EVC2: variants seen among roughly 807,000 people sequenced by gnomAD.
EVC2 encodes the protein limbin.
EVC2 carries 148 observed loss-of-function variants against 149.3 expected under a neutral mutation model. That is an observed-to-expected ratio of 0.99 (90% confidence interval 0.87 to 1.14). The LOEUF (loss-of-function observed/expected upper bound fraction) is 1.14, where lower values mean the gene tolerates loss of function less well. EVC2 is among the 50% of genes most tolerant of loss of function. The probability of loss-of-function intolerance (pLI) is 0.00; values close to 1 mark genes in which losing one functional copy is unlikely to be tolerated. For missense variants in EVC2, 1,854 were observed against 1,627.3 expected (o/e 1.14, Z -2.40); for synonymous variants, 776 against 649.9 (o/e 1.19, Z -2.95).
chr4:5,568,785 T>C lies in EVC2; in HGVS notation c.3361-145A>G, dbSNP rs76244489. On this transcript the variant is annotated intron_variant, in intron 19 of 21. Transcript: ENST00000344408. ...GTCTGGAAAACATGTTCCCGAACTT[T>C]CAGAGCTGTCAAAAAAAACCTATTT... is the stretch of plus-strand genomic sequence containing the variant. The C allele has an allele frequency of 3.0e-4, 329 of 1,090,300 alleles. No individual in the cohort carries two copies. In the South Asian group the frequency reaches 4.3e-3, roughly 14 times the overall value. The allele number at this position is 1,090,300 out of a possible 1,614,324, so 67.5% of individuals were successfully genotyped here.
chr4:5,533,325 A>G, the EVC2 span, among the ~76,000 whole-genome samples: 9 of 152,186 alleles, frequency 5.9e-5, 1 homozygote, highest in Admixed American at 5.9e-4. Context: ...GACAGAAAGC[A>G]GCAAGTGCAA....
Position 5,679,692 on chromosome 4 carries a change from T to C in EVC2, c.870+1568A>G, listed in dbSNP as rs1241419763. Among the ~76,000 whole-genome samples the C allele has an allele frequency of 6.6e-6, 1 of 152,214 alleles. No homozygotes were observed. Among genetic ancestry groups the C allele is most frequent in the African/African-American group, 2.4e-5 (1 of 41,444 alleles). The stretch of plus-strand genomic sequence containing the variant: ...TGCAGGTTTGTTACATAGGTATACA[T>C]GTGTCATGGTGGTTTGCTGCACCTA... On this transcript the variant is annotated intron_variant, in intron 7 of 21. Coordinates refer to ENST00000344408, the MANE Select transcript of EVC2 (RefSeq NM_147127.5). This position sits in a 1 kb window ranked among gnomAD's most constrained non-coding sequence, Gnocchi z 5.1.
In EVC2 at chr4:5,640,970, C is replaced by T. The variant is rs142093594; in HGVS notation, c.1146-132G>A. 1.3e-4 allele frequency: 139 copies of T among 1,032,472 alleles called. 1 individual carries two copies. The highest frequency in any genetic ancestry group is 5.0e-4 in the Middle Eastern group (2 of 3,984). 64.0% of individuals were successfully genotyped at this position (1,032,472 alleles called of 1,614,324 possible). ...TTCGTCTTCCTTTTCTTCCTTTCCC[C>T]GCTCACTTCTGCTTCATCCAGTTAT... On this transcript the variant is annotated intron_variant, in intron 9 of 21. Transcript: ENST00000344408. This position sits in a 1 kb window ranked among gnomAD's most constrained non-coding sequence, Gnocchi z 4.6.
chr4:5,541,846 G>A (rs540889935), downstream of EVC2, among the ~76,000 whole-genome samples: 1 of 152,310 alleles, frequency 6.6e-6, no homozygotes, highest in South Asian at 2.1e-4. Context: ...AAGACATAGT[G>A]GAGAACAGGA....
intron 9 of EVC2, among the ~76,000 whole-genome samples, chr4:5,646,239 G>C (rs999724756): frequency 2.0e-5 from 3 of 151,518 alleles, no homozygotes; most frequent in African/African-American, 7.3e-5. Context: ...TCTATTTTTT[G>C]ATTTTTTAGT....
intron 1 of EVC2, among the ~76,000 whole-genome samples, chr4:5,707,515 G>A (rs1165163765): frequency 6.6e-6 from 1 of 152,088 alleles, no homozygotes; most frequent in East Asian, 1.9e-4. Context: ...TGGGACAGGA[G>A]TGGCAGAATG....
chr4:5,667,880 A>G (rs1414653143), intron 7 of EVC2, among the ~76,000 whole-genome samples: 1 of 152,228 alleles, frequency 6.6e-6, no homozygotes, highest in African/African-American at 2.4e-5. Context: ...ACATGTAAAA[A>G]ACAGTTCAGG....
intron 1 of EVC2, among the ~76,000 whole-genome samples, chr4:5,698,251 T>C (rs991381061): frequency 6.6e-6 from 1 of 152,136 alleles, no homozygotes; most frequent in African/African-American, 2.4e-5. Context: ...GTTCAAACGT[T>C]AGCCCTGCCC....
rs1042148104 is a variant in EVC2, at chr4:5,562,742, T to A, written c.*106A>T. 6 of 1,595,970 alleles carry A rather than the reference T, an allele frequency of 3.8e-6. No homozygotes were observed. Among genetic ancestry groups the A allele is most frequent in the Non-Finnish European group, 5.1e-6 (6 of 1,178,080 alleles). On this transcript the variant is annotated 3_prime_UTR_variant, in exon 22 of 22. Transcript: ENST00000344408. The surrounding 1 kb of genome is among the most constrained non-coding windows in gnomAD (Gnocchi z 4.3). ...CTACGGGGTCTGTGCCTTCTGCATG[T>A]GCAATTTATATTTGCGAGTTGTGCA...
rs1399816848 is a variant in EVC2 at position 5,681,306 on chromosome 4, G to C, written c.824C>G (p.Thr275Arg). The change falls in exon 7 of 22, where the codon ACA (threonine) becomes AGA (arginine). Residue 275 changes from threonine to arginine, a missense_variant. Transcript: ENST00000344408. ...TATGGAAAAAAGCACTTTCAGCTGTGTTCTGTTCTAGAAAAGGAAAAAAGA... is the reference window on the plus strand; with the variant it reads ...TATGGAAAAAAGCACTTTCAGCTGTCTTCTGTTCTAGAAAAGGAAAAAAGA... ...LTFQSSSRNR[T>R]QLKVLFSITA... 6.2e-7 allele frequency: 1 copy of C among 1,614,110 alleles called. No individual in the cohort carries two copies. Among genetic ancestry groups the C allele is most frequent in the Non-Finnish European group, 8.5e-7 (1 of 1,180,044 alleles).
At chr4:5,653,131 T>C (rs1398685534) in intron 9 of EVC2, among the ~76,000 whole-genome samples, 1 of 152,150 alleles carries the variant, frequency 6.6e-6, no homozygotes, top group Non-Finnish European at 1.5e-5. Context: ...TACGTCCAGA[T>C]TTCCCTCTTC....
rs557065723 is a variant in EVC2, at chr4:5,593,537, A to C, written c.2830-8687T>G. ...ACATTGGGAGAATAAGGCTAAAGAA[A>C]CGCTGCTGAAATATAAATGTGCATT... On this transcript the variant is annotated intron_variant, in intron 16 of 21. Coordinates refer to ENST00000344408, the MANE Select transcript of EVC2 (RefSeq NM_147127.5). Among the ~76,000 whole-genome samples the C allele has an allele frequency of 2.6e-5, 4 of 152,318 alleles. No individual in the cohort carries two copies. In the South Asian group the frequency reaches 8.3e-4, roughly 32 times the overall value.
At chr4:5,564,483 T>G (rs555569144) in intron 21 of EVC2, among the ~76,000 whole-genome samples, 1 of 152,266 alleles carries the variant, frequency 6.6e-6, no homozygotes, top group East Asian at 1.9e-4. Flanking sequence ...TTATCATGAG[T>G]AATCTATGAA....
chr4:5,572,943 C>T (rs1275168040), intron 19 of EVC2, among the ~76,000 whole-genome samples: 1 of 152,170 alleles, frequency 6.6e-6, no homozygotes, highest in East Asian at 1.9e-4. Context: ...ATCCCAAGCC[C>T]CCCACGAGCA....
intron 16 of EVC2, among the ~76,000 whole-genome samples, chr4:5,605,196 G>T (rs1372723322): frequency 1.3e-5 from 2 of 152,170 alleles, no homozygotes; most frequent in Non-Finnish European, 2.9e-5. Context: ...CATATTTGGG[G>T]GGAGTCAGAT....
rs1577281809 is a variant in EVC2 at position 5,706,445 on chromosome 4, G to GATACATAGATAGATAGATACATACATAC, written c.228+1840_228+1841insGTATGTATGTATCTATCTATCTATGTAT. 3.8e-3 allele frequency among the ~76,000 whole-genome samples: 99 copies of GATACATAGATAGATAGATACATACATAC among 25,744 alleles called. 8 individuals carry two copies. Among genetic ancestry groups the GATACATAGATAGATAGATACATACATAC allele is most frequent in the Admixed American group, 5.9e-3 (13 of 2,200 alleles). 16.9% of individuals were successfully genotyped at this position (25,744 alleles called of 152,430 possible). A position where few individuals can be genotyped will look rare whatever the true frequency, so the allele number is the denominator to read the frequency against. ...AGATAGATACATAGATAGATAGATAGATACATACATACATACATACATACA... is the reference window on the plus strand; with the variant it reads ...AGATAGATACATAGATAGATAGATAGATACATAGATAGATAGATACATACATACATACATACATACATACATACATACA... On this transcript the variant is annotated intron_variant, in intron 1 of 21. Coordinates refer to ENST00000344408, the MANE Select transcript of EVC2 (RefSeq NM_147127.5).
Position 5,647,760 on chromosome 4 carries a change from C to T in EVC2, c.1146-6922G>A, listed in dbSNP as rs561489274. ...AGCCTAATCCCCAGAACTGCAAACA[C>T]GTTAGGTTTCATGGCAAAGGGGAAT... On this transcript the variant is annotated intron_variant, in intron 9 of 21. Coordinates refer to ENST00000344408, the MANE Select transcript of EVC2 (RefSeq NM_147127.5). Among the ~76,000 whole-genome samples the T allele has an allele frequency of 7.9e-5, 12 of 152,294 alleles. No homozygotes were observed. In the South Asian group the frequency reaches 1.0e-3, roughly 13 times the overall value.
At position 5,576,130 on chromosome 4, in the gene EVC2, G is replaced by A; in HGVS notation, c.3272+110C>T. 2.5e-6 allele frequency: 4 copies of A among 1,575,208 alleles called. No homozygotes were observed. The highest frequency in any genetic ancestry group is 3.5e-6 in the Non-Finnish European group (4 of 1,153,732). On this transcript the variant is annotated intron_variant, in intron 18 of 21. Coordinates refer to ENST00000344408, the MANE Select transcript of EVC2 (RefSeq NM_147127.5). The surrounding 1 kb of genome is among the most constrained non-coding windows in gnomAD (Gnocchi z 4.5). The stretch of plus-strand genomic sequence containing the variant: ...TTGGAGCAATGGGATGACACCTTAG[G>A]CAAGAGGGTGAGAGCCCAGGTGGGT...
In EVC2 at chr4:5,689,108, G is replaced by A. The variant is rs1720924970; in HGVS notation, c.706+49C>T. 4 of 1,598,762 alleles carry A rather than the reference G, an allele frequency of 2.5e-6. No individual in the cohort carries two copies. The African/African-American group carries it at 4.0e-5, about 16-fold the overall frequency. On this transcript the variant is annotated intron_variant, in intron 5 of 21. Coordinates refer to ENST00000344408, the MANE Select transcript of EVC2 (RefSeq NM_147127.5). ...AGAACACATTCACCTGGAAGTATCTGTACATATTCTCATTTGTCATCCCTG... is the reference window on the plus strand; with the variant it reads ...AGAACACATTCACCTGGAAGTATCTATACATATTCTCATTTGTCATCCCTG...
Sources: gnomAD v4.1 joint callset for allele counts (sites outside exome capture counted in the v4.1 genomes callset) on GRCh38, gnomAD v4.1.1 for gene constraint, Gnocchi (gnomAD v3.1) non-coding constraint, MANE v1.5 for transcripts, NCBI Gene and HGNC (gene_info 2026-07-23, HGNC 2026-07-21) for gene names.